Variants in DHRS3 observed in about 807,000 individuals in gnomAD.
DHRS3 encodes the protein short-chain dehydrogenase/reductase 3.
DHRS3 carries 14 observed loss-of-function variants against 27.2 expected under a neutral mutation model. The observed-to-expected ratio is 0.52, with a 90% confidence interval of 0.34 to 0.81. DHRS3 has a LOEUF of 0.81. Ranked by LOEUF, DHRS3 falls within the 30% of genes least tolerant of loss-of-function variation. The probability of loss-of-function intolerance (pLI) is 0.01; values close to 1 mark genes in which losing one functional copy is unlikely to be tolerated. For missense variants in DHRS3, 322 were observed against 406.2 expected (o/e 0.79, Z 1.78); for synonymous variants, 165 against 175.9 (o/e 0.94, Z 0.49).
In DHRS3 at chr1:12,592,144, C is replaced by T. The variant is rs758478539; in HGVS notation, c.196-11478G>A. 6.6e-6 allele frequency among the ~76,000 whole-genome samples: 1 copy of T among 152,160 alleles called. No individual in the cohort carries two copies. Among genetic ancestry groups the T allele is most frequent in the Non-Finnish European group, 1.5e-5 (1 of 68,026 alleles). On this transcript the variant is annotated intron_variant, in intron 1 of 5. Coordinates refer to ENST00000616661, the MANE Select transcript of DHRS3 (RefSeq NM_004753.7). The surrounding 1 kb of genome is among the most constrained non-coding windows in gnomAD (Gnocchi z 4.2). ...GGGGTGGGACTGTGACAAGCACTCA[C>T]CGCCACCACAGTGAACAATCTGTGG...
chr1:12,592,804 C>G lies in DHRS3; in HGVS notation c.196-12138G>C, dbSNP rs1466487412. On this transcript the variant is annotated intron_variant, in intron 1 of 5. Coordinates refer to ENST00000616661, the MANE Select transcript of DHRS3 (RefSeq NM_004753.7). This position sits in a 1 kb window ranked among gnomAD's most constrained non-coding sequence, Gnocchi z 4.2. ...TGACGGAGGCTGCTTCCCCTCCACACCACTCCCTGTTTTCAGATGCCAAGC... is the reference window on the plus strand; with the variant it reads ...TGACGGAGGCTGCTTCCCCTCCACAGCACTCCCTGTTTTCAGATGCCAAGC... Among the ~76,000 whole-genome samples the G allele has an allele frequency of 6.6e-6, 1 of 152,244 alleles. No individual in the cohort carries two copies. The highest frequency in any genetic ancestry group is 1.5e-5 in the Non-Finnish European group (1 of 68,042).
Position 12,608,321 on chromosome 1 carries a change from G to C in DHRS3, c.195+8833C>G, listed in dbSNP as rs190247497. Among the ~76,000 whole-genome samples, 18 of 152,160 alleles carry C rather than the reference G, an allele frequency of 1.2e-4. No homozygotes were observed. The highest frequency in any genetic ancestry group is 4.6e-4 in the Admixed American group (7 of 15,276). On this transcript the variant is annotated intron_variant, in intron 1 of 5. Coordinates refer to ENST00000616661, the MANE Select transcript of DHRS3 (RefSeq NM_004753.7). The surrounding 1 kb of genome is among the most constrained non-coding windows in gnomAD (Gnocchi z 4.1). ...CACGGTCATGAATATTACTAGGAAC[G>C]CAAGGAAGCCATCAGCATCCAGTTC... is the stretch of plus-strand genomic sequence containing the variant.
intron 1 of DHRS3, among the ~76,000 whole-genome samples, chr1:12,597,179 C>T (rs935987679): frequency 9.9e-5 from 15 of 152,262 alleles, no homozygotes; most frequent in South Asian, 4.1e-4. Flanking sequence ...CGGGTTCAAG[C>T]GATTCTCCTG....
Position 12,579,378 on chromosome 1 carries a change from G to A in DHRS3, c.374C>T (p.Ala125Val). ...GDITILVNNA[A>V]VVHGKSLMDS... Reference sequence around the variant, plus strand: ...CATTAGGCTCTTCCCATGGACCACGGCGGCATTGTTCACCAGGATGGTGAT... The same window carrying A: ...CATTAGGCTCTTCCCATGGACCACGACGGCATTGTTCACCAGGATGGTGAT... The change falls in exon 3 of 6, where the codon GCC (alanine) becomes GTC (valine). Residue 125 changes from alanine (A) to valine (V), a missense_variant. Physicochemically the swap from Ala to Val is moderately conservative, Grantham distance 64 (BLOSUM62 0). Coordinates refer to ENST00000616661, the MANE Select transcript of DHRS3 (RefSeq NM_004753.7). 1 of 1,614,200 alleles carries A rather than the reference G, an allele frequency of 6.2e-7. No homozygotes were observed. Among genetic ancestry groups the A allele is most frequent in the Non-Finnish European group, 8.5e-7 (1 of 1,180,034 alleles).
At chr1:12,613,061 A>T (rs1421115825) in intron 1 of DHRS3, among the ~76,000 whole-genome samples, 1 of 142,530 alleles carries the variant, frequency 7.0e-6, no homozygotes, top group African/African-American at 2.6e-5. Context: ...ACTCTGTTTC[A>T]AAAAAAAAAA....
intron 1 of DHRS3, among the ~76,000 whole-genome samples, chr1:12,609,470 C>T (rs1044191793): frequency 2.0e-5 from 3 of 152,164 alleles, no homozygotes; most frequent in Non-Finnish European, 4.4e-5. Flanking sequence ...TTCTCCATTA[C>T]CCTCAGCCCA....
intron 1 of DHRS3, among the ~76,000 whole-genome samples, chr1:12,601,654 G>C (rs977838702): frequency 2.0e-5 from 3 of 152,106 alleles, no homozygotes; most frequent in Admixed American, 2.0e-4. Flanking sequence ...CCTGGCTACG[G>C]ACTCCACTAG....
chr1:12,572,256 C>T (rs1294496776), intron 5 of DHRS3, among the ~76,000 whole-genome samples: 1 of 152,188 alleles, frequency 6.6e-6, no homozygotes, highest in Non-Finnish European at 1.5e-5. Flanking sequence ...CAAGCTCCAC[C>T]TCCTGGGTTC....
chr1:12,580,387 A>G, intron 2 of DHRS3, 136 bp downstream of exon 2: 1 of 1,164,504 alleles, frequency 8.6e-7, no homozygotes, highest in Non-Finnish European at 1.3e-6. Context: ...TTCATGGGAG[A>G]GTCCCCAAAG....
At chr1:12,603,048 C>G (rs1646846108) in intron 1 of DHRS3, among the ~76,000 whole-genome samples, 1 of 152,250 alleles carries the variant, frequency 6.6e-6, no homozygotes, top group African/African-American at 2.4e-5. Context: ...GCTGAGTCCC[C>G]CTTGGAGAGG....
Position 12,608,662 on chromosome 1 carries a change from C to T in DHRS3, c.195+8492G>A, listed in dbSNP as rs2100721018. Among the ~76,000 whole-genome samples, 1 of 151,758 alleles carries T rather than the reference C, an allele frequency of 6.6e-6. No individual in the cohort carries two copies. The highest frequency in any genetic ancestry group is 2.4e-5 in the African/African-American group (1 of 41,052). On this transcript the variant is annotated intron_variant, in intron 1 of 5. Transcript: ENST00000616661. This position sits in a 1 kb window ranked among gnomAD's most constrained non-coding sequence, Gnocchi z 4.1. ...AGGGACCTAGGAGGTTGTCCAGAAC[C>T]TAACCTCCCCCAGTGCAGAAATCTC...
chr1:12,589,391 CTT>C (rs70987258), intron 1 of DHRS3, among the ~76,000 whole-genome samples: 8 of 136,366 alleles, frequency 5.9e-5, no homozygotes, highest in Non-Finnish European at 6.2e-5. Context: ...TTTTCTTTTT[CTT>C]TTTTTTTTTT....
chr1:12,610,378 A>G (rs1646901121), intron 1 of DHRS3, among the ~76,000 whole-genome samples: 1 of 151,950 alleles, frequency 6.6e-6, no homozygotes, highest in African/African-American at 2.4e-5. Context: ...AGGCATGAGA[A>G]TGTACTGTTC....
chr1:12,611,303 T>C (rs1160523039), intron 1 of DHRS3, among the ~76,000 whole-genome samples: 1 of 152,194 alleles, frequency 6.6e-6, no homozygotes, highest in East Asian at 1.9e-4. Context: ...GAGGCATTCC[T>C]GAAAGCCCAA....
intron 1 of DHRS3, among the ~76,000 whole-genome samples, chr1:12,609,539 T>C (rs930737835): frequency 7.9e-5 from 12 of 151,988 alleles, no homozygotes; most frequent in Admixed American, 2.6e-4. Context: ...CCTCCAAAAC[T>C]CTAGTGCAAT....
chr1:12,600,001 G>A (rs991797007), intron 1 of DHRS3, among the ~76,000 whole-genome samples: 10 of 152,142 alleles, frequency 6.6e-5, no homozygotes, highest in Admixed American at 3.9e-4. Context: ...GGAAGCCCCC[G>A]TCTGTGCTTG....
intron 2 of DHRS3, 78 bp downstream of exon 2, chr1:12,580,445 C>T (rs1377823809): frequency 6.2e-7 from 1 of 1,602,334 alleles, no homozygotes; most frequent in Non-Finnish European, 8.5e-7. Context: ...CTCTTCCAGG[C>T]CACATGAGAA....
intron 1 of DHRS3, chr1:12,596,445 G>C (rs893400271): frequency 2.0e-5 from 3 of 152,100 alleles, no homozygotes. Flanking sequence ...AGCCTGGTTG[G>C]GGGGTTGCAG....
intron 1 of DHRS3, among the ~76,000 whole-genome samples, chr1:12,589,319 T>C (rs913052360): frequency 6.6e-6 from 1 of 152,168 alleles, no homozygotes; most frequent in African/African-American, 2.4e-5. Context: ...TTAACAGTTA[T>C]GAATTAACAT....
Sources: allele counts gnomAD v4.1 joint callset (sites outside exome capture counted in the v4.1 genomes callset), GRCh38; gene constraint gnomAD v4.1.1; non-coding constraint Gnocchi (gnomAD v3.1); transcripts MANE v1.5; gene names NCBI Gene and HGNC (gene_info 2026-07-23, HGNC 2026-07-21).